The following TMEM117 variants were observed in gnomAD, a reference collection of about 807,000 sequenced individuals.
TMEM117 encodes transmembrane protein 117.
Under a neutral mutation model 52.4 loss-of-function variants are expected in TMEM117, and 27 were observed. The ratio of observed to expected loss-of-function variants is 0.51; its 90% CI spans 0.38 to 0.71. The LOEUF (loss-of-function observed/expected upper bound fraction) is 0.71. TMEM117 is among the 30% of genes least tolerant of loss of function. TMEM117 has a pLI of 0.00. For synonymous variants in TMEM117, 215 were observed against 206.3 expected (o/e 1.04, Z -0.36); for missense variants, 556 against 630.5 (o/e 0.88, Z 1.26).
intron 3 of TMEM117, among the ~76,000 whole-genome samples, chr12:44,063,162 C>A (rs1169672275): frequency 6.6e-6 from 1 of 152,152 alleles, no homozygotes; most frequent in Non-Finnish European, 1.5e-5. Context: ...TCCCAAGAAT[C>A]TTTTATCATC....
At chr12:44,033,650 C>T (rs1946667816) in intron 3 of TMEM117, among the ~76,000 whole-genome samples, 1 of 152,194 alleles carries the variant, frequency 6.6e-6, no homozygotes. Flanking sequence ...CTAAACATTT[C>T]CTCAATGATG....
intron 3 of TMEM117, among the ~76,000 whole-genome samples, chr12:44,050,229 T>G (rs904530532): frequency 1.3e-5 from 2 of 152,210 alleles, no homozygotes; most frequent in Non-Finnish European, 2.9e-5. Context: ...CAGGCTGGAG[T>G]GCAGTGGCAC....
rs138292176 is a variant in TMEM117, at chr12:44,259,386, G to T, written c.609-40194G>T. ...ACATGTTTAATATGATTATTACAAA[G>T]CTTACTAAAGGGACTGAGTCAGGAT... is the stretch of plus-strand genomic sequence containing the variant. On this transcript the variant is annotated intron_variant, in intron 5 of 7. Coordinates refer to ENST00000266534, the MANE Select transcript of TMEM117 (RefSeq NM_032256.3). Among the ~76,000 whole-genome samples the T allele has an allele frequency of 3.5e-3, 537 of 152,210 alleles. 3 individuals are homozygous for T. Among genetic ancestry groups the T allele is most frequent in the East Asian group, 0.014 (75 of 5,188 alleles).
At chr12:44,208,104 C>T (rs780172724) in intron 4 of TMEM117, among the ~76,000 whole-genome samples, 1 of 150,594 alleles carries the variant, frequency 6.6e-6, no homozygotes, top group Non-Finnish European at 1.5e-5. Flanking sequence ...TATAGGCTCA[C>T]CTCAAAGGAA....
the TMEM117 span, among the ~76,000 whole-genome samples, chr12:44,396,644 A>G: frequency 1.4e-4 from 21 of 152,168 alleles, no homozygotes; most frequent in Non-Finnish European, 1.9e-4. Flanking sequence ...ACTTAAGGTC[A>G]GGAGTTCGAG....
chr12:43,892,950 G>C (rs1467005582), intron 2 of TMEM117, among the ~76,000 whole-genome samples: 6 of 152,176 alleles, frequency 3.9e-5, no homozygotes, highest in Non-Finnish European at 8.8e-5. Flanking sequence ...TAGACTTAAG[G>C]GAATGTCTAG....
chr12:43,988,545 C>T (rs557534950), intron 3 of TMEM117, among the ~76,000 whole-genome samples: 19 of 152,094 alleles, frequency 1.2e-4, no homozygotes, highest in Admixed American at 7.2e-4. Flanking sequence ...AACATATGGA[C>T]TGTAATGCAT....
chr12:43,825,357 A>T, the TMEM117 span, among the ~76,000 whole-genome samples: 1 of 152,312 alleles, frequency 6.6e-6, no homozygotes, highest in Admixed American at 6.5e-5. Flanking sequence ...GCGCTGGATT[A>T]TCCCAATATG....
At chr12:44,137,861 C>T (rs1948514913) in intron 3 of TMEM117, among the ~76,000 whole-genome samples, 2 of 152,086 alleles carry the variant, frequency 1.3e-5, no homozygotes, top group Admixed American at 1.3e-4. Flanking sequence ...ACAGCCAAAC[C>T]ATATCACATG....
chr12:43,857,906 G>A (rs189440341), intron 2 of TMEM117, among the ~76,000 whole-genome samples: 55 of 152,342 alleles, frequency 3.6e-4, no homozygotes, highest in African/African-American at 1.1e-3. Context: ...TGGTAGGTGG[G>A]AGGAAGTAGG....
intron 2 of TMEM117, among the ~76,000 whole-genome samples, chr12:43,937,841 C>G (rs189200978): frequency 2.0e-5 from 3 of 152,128 alleles, no homozygotes; most frequent in African/African-American, 4.8e-5. Context: ...CTCTACTGTG[C>G]TACAGTTTAT....
At chr12:44,260,561 G>C (rs1414472600) in intron 5 of TMEM117, among the ~76,000 whole-genome samples, 2 of 152,134 alleles carry the variant, frequency 1.3e-5, no homozygotes, top group Middle Eastern at 3.4e-3. Context: ...AAAACAAATA[G>C]AAACATACAG....
chr12:44,004,049 T>TG (rs1204636080), intron 3 of TMEM117, among the ~76,000 whole-genome samples: 1 of 152,208 alleles, frequency 6.6e-6, no homozygotes, highest in Non-Finnish European at 1.5e-5. Context: ...TATCTGAACT[T>TG]GGAATAACAA....
chr12:44,118,196 A>G (rs1948177271), intron 3 of TMEM117, among the ~76,000 whole-genome samples: 1 of 152,226 alleles, frequency 6.6e-6, no homozygotes, highest in African/African-American at 2.4e-5. Context: ...TTAAATGAAG[A>G]AAGACAAATA....
chr12:44,236,657 A>T (rs1950000483), intron 5 of TMEM117, among the ~76,000 whole-genome samples: 1 of 152,264 alleles, frequency 6.6e-6, no homozygotes, highest in East Asian at 1.9e-4. Flanking sequence ...TTGCATACCC[A>T]GTTATCACTG....
upstream of TMEM117, among the ~76,000 whole-genome samples, chr12:43,835,294 T>G (rs780004628): frequency 1.3e-5 from 2 of 152,142 alleles, no homozygotes; most frequent in Non-Finnish European, 2.9e-5. Context: ...ATCATTTAGG[T>G]ATCATAGAAT....
intron 5 of TMEM117, among the ~76,000 whole-genome samples, chr12:44,230,498 A>C (rs556902436): frequency 6.6e-6 from 1 of 151,822 alleles, no homozygotes; most frequent in Non-Finnish European, 1.5e-5. Context: ...CCTCCCTGCC[A>C]TTTCCTTGTT....
chr12:44,255,511 G>GT (rs1453702354), intron 5 of TMEM117, among the ~76,000 whole-genome samples: 5 of 152,094 alleles, frequency 3.3e-5, no homozygotes, highest in Non-Finnish European at 7.4e-5. Context: ...ACGAGTCCAA[G>GT]TAAGTTAGAT....
chr12:43,966,570 A>C (rs1391808661), intron 3 of TMEM117, among the ~76,000 whole-genome samples: 1 of 152,164 alleles, frequency 6.6e-6, no homozygotes, highest in Non-Finnish European at 1.5e-5. Context: ...CTAAGGGGAA[A>C]TCTTCACCTT....
Sources: gnomAD v4.1 joint callset for allele counts (sites outside exome capture counted in the v4.1 genomes callset) on GRCh38, gnomAD v4.1.1 for gene constraint, MANE v1.5 for transcripts, NCBI Gene and HGNC (gene_info 2026-07-23, HGNC 2026-07-21) for gene names.